The following PRR14L variants were observed in gnomAD, a reference collection of about 807,000 sequenced individuals.
PRR14L encodes protein PRR14L.
Under a neutral mutation model 155.0 loss-of-function variants are expected in PRR14L, and 80 were observed. The observed-to-expected ratio is 0.52, with a 90% CI of 0.43 to 0.62. The LOEUF is 0.62. Among genes scored for constraint, PRR14L ranks in the 20% least tolerant of loss-of-function variants. PRR14L has a pLI of 0.00. For missense variants in PRR14L, 2,469 were observed against 2,548.0 expected, an observed-to-expected ratio of 0.97 and a Z score of 0.67; for synonymous variants, 883 against 916.0, an observed-to-expected ratio of 0.96 and a Z score of 0.65.
chr22:31,712,153 A>C lies in PRR14L; in HGVS notation c.5686T>G (p.Cys1896Gly). The change falls in exon 4 of 9, where the codon TGC becomes GGC. Residue 1896 changes from cysteine to glycine, a missense_variant. This residue lies in a region of PRR14L where 2,363 missense variants were observed against 2,371.6 expected (regional missense o/e 1.00). Coordinates refer to ENST00000327423, the MANE Select transcript of PRR14L (RefSeq NM_173566.3). ...TGAAGAGAAGAGATTTCGAAGGAGC[A>C]GACAGAAGGACCATGCTGGCTCCAA... is the stretch of plus-strand genomic sequence containing the variant. ...SIWSQHGPSV[C>G]SFEISSLHSP... 1 of 1,614,134 alleles carries C rather than the reference A, an allele frequency of 6.2e-7. No homozygotes were observed. The highest frequency in any genetic ancestry group is 1.3e-5 in the African/African-American group (1 of 75,012).
chr22:31,725,620 G>C lies in PRR14L; in HGVS notation c.475-10C>G. 1 of 1,531,516 alleles carries C rather than the reference G, an allele frequency of 6.5e-7. No homozygotes were observed. The highest frequency in any genetic ancestry group is 8.9e-7 in the Non-Finnish European group (1 of 1,128,842). 94.9% of individuals were successfully genotyped at this position (1,531,516 alleles called of 1,614,324 possible). A position where few individuals can be genotyped will look rare whatever the true frequency, so the allele number is the denominator to read the frequency against. On this transcript the variant is annotated splice_polypyrimidine_tract_variant and intron_variant, in intron 2 of 8. Transcript: ENST00000327423. ...GCATCAGGAGATCCTCCTACAGTAA[G>C]AAAATCCAGTGGTCAAGGGGGATTC...
At chr22:31,749,047 CTT>C (rs1011260403) in intron 1 of PRR14L, among the ~76,000 whole-genome samples, 1 of 152,112 alleles carries the variant, frequency 6.6e-6, no homozygotes, top group African/African-American at 2.4e-5. Context: ...TATTAGTTTT[CTT>C]TTTTAACAGA....
At position 31,684,409 on chromosome 22, in the gene PRR14L, G is replaced by A. The variant is rs2074471538; in HGVS notation, c.*1118C>T. The A allele has an allele frequency of 6.6e-6, 1 of 152,210 alleles. No individual in the cohort carries two copies. Among genetic ancestry groups the A allele is most frequent in the Non-Finnish European group, 1.5e-5 (1 of 68,060 alleles). The allele number at this position is 152,210 out of a possible 1,614,324, so 9.4% of individuals were successfully genotyped here. On this transcript the variant is annotated 3_prime_UTR_variant, in exon 9 of 9. Coordinates refer to ENST00000327423, the MANE Select transcript of PRR14L (RefSeq NM_173566.3). The stretch of plus-strand genomic sequence containing the variant: ...GGCTGCCTGGAAAGCCACAAATACT[G>A]TGGGTCAGCCTGTATCACTGCCCAA...
Position 31,688,268 on chromosome 22 carries a change from C to CT in PRR14L, c.6108-42dup, listed in dbSNP as rs780076787. On this transcript the variant is annotated intron_variant, in intron 7 of 8. Transcript: ENST00000327423. ...GAAAAAAATTCTTCAGGTTCTCTCT[C>CT]TCTTTTTTTTTTCAGAGAAGGTCTT... 2.2e-5 allele frequency: 34 copies of CT among 1,520,008 alleles called. No homozygotes were observed. The African/African-American group carries it at 3.7e-4, about 16-fold the overall frequency. 94.2% of individuals were successfully genotyped at this position (1,520,008 alleles called of 1,614,324 possible).
At chr22:31,739,502 C>T (rs11705235) in intron 1 of PRR14L, among the ~76,000 whole-genome samples, 3,960 of 152,254 alleles carry the variant, frequency 0.026, 148 homozygotes, top group Admixed American at 0.11. Context: ...TAAACCAGCT[C>T]GTTAGCAGAA....
intron 3 of PRR14L, among the ~76,000 whole-genome samples, chr22:31,720,713 C>T (rs776086822): frequency 2.0e-5 from 3 of 152,034 alleles, no homozygotes; most frequent in African/African-American, 7.2e-5. Context: ...GCAGCCTGGG[C>T]GACACAGTGA....
Position 31,703,614 on chromosome 22 carries a change from T to A in PRR14L, c.5936A>T (p.Asp1979Val). 1 of 1,613,920 alleles carries A rather than the reference T, an allele frequency of 6.2e-7. No homozygotes were observed. Among genetic ancestry groups the A allele is most frequent in the Non-Finnish European group, 8.5e-7 (1 of 1,179,928 alleles). Reference protein sequence around the residue: ...SASEFQVRGLDELDGVKAACP... With the variant: ...SASEFQVRGLVELDGVKAACP... Reference sequence around the variant, plus strand: ...TGCTGCTTTCACACCATCCAGCTCATCCAATCCACGAACCTGGAACTCAGA... The same window carrying A: ...TGCTGCTTTCACACCATCCAGCTCAACCAATCCACGAACCTGGAACTCAGA... The change falls in exon 6 of 9, where the codon GAT (aspartate) becomes GTT (valine). Residue 1979 changes from aspartate (D) to valine (V), a missense_variant. Asp to Val is a radical substitution (Grantham distance 152). This residue lies in a region of PRR14L where 2,363 missense variants were observed against 2,371.6 expected (regional missense o/e 1.00). Coordinates refer to ENST00000327423, the MANE Select transcript of PRR14L (RefSeq NM_173566.3).
intron 4 of PRR14L, among the ~76,000 whole-genome samples, chr22:31,710,521 C>T (rs140258947): frequency 4.0e-4 from 60 of 151,146 alleles, no homozygotes; most frequent in African/African-American, 1.4e-3. Flanking sequence ...GGCGTGATCT[C>T]GGCTCACTGC....
chr22:31,715,041 A>AG lies in PRR14L; in HGVS notation c.2797_2798insC (p.Val933AlafsTer7). On this transcript the variant is annotated frameshift_variant, in exon 4 of 9. Transcript: ENST00000327423. LOFTEE classifies it high-confidence loss of function. Reference sequence around the variant, plus strand: ...CACTTTTTCAGGACCTGGAATGTTTACAGTCTGGTTTAGTTCTTGTATAGC... The same window carrying AG: ...CACTTTTTCAGGACCTGGAATGTTTAGCAGTCTGGTTTAGTTCTTGTATAGC... 1 of 1,551,824 alleles carries AG rather than the reference A, an allele frequency of 6.4e-7. No homozygotes were observed. The highest frequency in any genetic ancestry group is 8.7e-7 in the Non-Finnish European group (1 of 1,146,890).
In PRR14L at chr22:31,739,869, G is replaced by A. The variant is rs114296410; in HGVS notation, c.-51-958C>T. Among the ~76,000 whole-genome samples, 393 of 152,214 alleles carry A rather than the reference G, an allele frequency of 2.6e-3. 2 individuals carry two copies. Among genetic ancestry groups the A allele is most frequent in the African/African-American group, 8.1e-3 (337 of 41,540 alleles). On this transcript the variant is annotated intron_variant, in intron 1 of 8. Coordinates refer to ENST00000327423, the MANE Select transcript of PRR14L (RefSeq NM_173566.3). The stretch of plus-strand genomic sequence containing the variant: ...AAACACACACATACTCAGGGCCAGG[G>A]TTTCTTGGCTCCTAACTTTCCCAGT...
In PRR14L at chr22:31,704,122, A is replaced by G. The variant is rs904254497; in HGVS notation, c.5829-401T>C. Reference sequence around the variant, plus strand: ...TCAACTTCTTAACATCTAGGCCTCAATACTTTTTCTTTCTTTCCAGAGAAT... The same window carrying G: ...TCAACTTCTTAACATCTAGGCCTCAGTACTTTTTCTTTCTTTCCAGAGAAT... On this transcript the variant is annotated intron_variant, in intron 5 of 8. Coordinates refer to ENST00000327423, the MANE Select transcript of PRR14L (RefSeq NM_173566.3). Among the ~76,000 whole-genome samples the G allele has an allele frequency of 9.2e-5, 14 of 152,250 alleles. No homozygotes were observed. The South Asian group carries it at 2.7e-3, about 29-fold the overall frequency.
chr22:31,685,319 T>A lies in PRR14L; in HGVS notation c.*208A>T. 1 of 552,196 alleles carries A rather than the reference T, an allele frequency of 1.8e-6. No individual in the cohort carries two copies. The highest frequency in any genetic ancestry group is 3.2e-6 in the Non-Finnish European group (1 of 313,246). 34.2% of individuals were successfully genotyped at this position (552,196 alleles called of 1,614,324 possible). ...ATTCCTGAGGTTCTATACTCAGCAG[T>A]AAAAGTAGAGGACCCTCCTTCACCA... On this transcript the variant is annotated 3_prime_UTR_variant, in exon 9 of 9. Transcript: ENST00000327423.
chr22:31,716,936 TTTA>T lies in PRR14L; in HGVS notation c.900_902del (p.Cys300_Lys301delinsTer), dbSNP rs2074663752. The T allele has an allele frequency of 1.3e-6, 2 of 1,551,898 alleles. No homozygotes were observed. Among genetic ancestry groups the T allele is most frequent in the African/African-American group, 2.7e-5 (2 of 73,064 alleles). ...CATCTGCTTCACAGACCAGGTTTGGTTTACACAACTCTTCCTTCCCATTGTCCA... is the reference window on the plus strand; with the variant it reads ...CATCTGCTTCACAGACCAGGTTTGGTCACAACTCTTCCTTCCCATTGTCCA... On this transcript the variant is annotated stop_gained and inframe_deletion, in exon 4 of 9. Coordinates refer to ENST00000327423, the MANE Select transcript of PRR14L (RefSeq NM_173566.3). LOFTEE classifies it high-confidence loss of function.
intron 1 of PRR14L, among the ~76,000 whole-genome samples, chr22:31,746,854 T>C (rs574695175): frequency 1.3e-5 from 2 of 151,050 alleles, no homozygotes; most frequent in Non-Finnish European, 2.9e-5. Context: ...TGGAGCGCAG[T>C]GGCGCGATCT....
rs146978599 is a variant in PRR14L, at chr22:31,737,097, G to A, written c.474+1290C>T. On this transcript the variant is annotated intron_variant, in intron 2 of 8. Coordinates refer to ENST00000327423, the MANE Select transcript of PRR14L (RefSeq NM_173566.3). Reference sequence around the variant, plus strand: ...CTGCAAAGCCTAAAAGATTTACTACGTGGCCCCTGATAGAAAAAATTTGCT... The same window carrying A: ...CTGCAAAGCCTAAAAGATTTACTACATGGCCCCTGATAGAAAAAATTTGCT... Among the ~76,000 whole-genome samples the A allele has an allele frequency of 3.4e-3, 506 of 148,364 alleles. 2 individuals carry two copies. Among genetic ancestry groups the A allele is most frequent in the African/African-American group, 0.012 (488 of 40,168 alleles).
intron 2 of PRR14L, among the ~76,000 whole-genome samples, chr22:31,730,974 A>T (rs1223458133): frequency 6.6e-6 from 1 of 152,158 alleles, no homozygotes; most frequent in East Asian, 1.9e-4. Context: ...ATTTATTTTA[A>T]GCTCAAATCA....
chr22:31,684,059 C>T lies in PRR14L; in HGVS notation c.*1468G>A, dbSNP rs922351083. ...AGCCATGGAATGTTAATTCTCTAAACTCTTGTTTTGAGAGAGAAAGAGAAA... is the reference window on the plus strand; with the variant it reads ...AGCCATGGAATGTTAATTCTCTAAATTCTTGTTTTGAGAGAGAAAGAGAAA... On this transcript the variant is annotated 3_prime_UTR_variant, in exon 9 of 9. Transcript: ENST00000327423. 1 of 152,188 alleles carries T rather than the reference C, an allele frequency of 6.6e-6. No homozygotes were observed. The highest frequency in any genetic ancestry group is 1.5e-5 in the Non-Finnish European group (1 of 68,098). 9.4% of individuals were successfully genotyped at this position (152,188 alleles called of 1,614,324 possible).
chr22:31,741,970 G>C (rs990673552), intron 1 of PRR14L, among the ~76,000 whole-genome samples: 1 of 152,126 alleles, frequency 6.6e-6, no homozygotes, highest in African/African-American at 2.4e-5. Flanking sequence ...GGGCACTTCA[G>C]ATTTTAGGCC....
intron 2 of PRR14L, among the ~76,000 whole-genome samples, chr22:31,734,880 G>A (rs926290254): frequency 6.6e-6 from 1 of 152,136 alleles, no homozygotes. Context: ...TCTCAGTCCA[G>A]ATAACACATT....
Sources: allele counts gnomAD v4.1 joint callset (sites outside exome capture counted in the v4.1 genomes callset), GRCh38; gene constraint gnomAD v4.1.1; regional missense constraint gnomAD v4.1.1; transcripts MANE v1.5; gene names NCBI Gene and HGNC (gene_info 2026-07-23, HGNC 2026-07-21).